EML5: variants seen among roughly 807,000 people sequenced by gnomAD.
The protein encoded by EML5 is echinoderm microtubule-associated protein-like 5.
A neutral mutation model predicts 250.0 loss-of-function variants in EML5; 120 were observed. That is an observed-to-expected ratio of 0.48 (90% CI 0.41 to 0.56). EML5 has a LOEUF of 0.56. Among genes scored for constraint, EML5 ranks in the 20% least tolerant of loss-of-function variants. EML5 has a pLI of 0.00. For synonymous variants in EML5, 771 were observed against 806.5 expected (o/e 0.96, Z 0.75); for missense variants, 2,006 against 2,437.6 (o/e 0.82, Z 3.73).
At chr14:88,748,255 AT>A (rs1175020674) in intron 2 of EML5, among the ~76,000 whole-genome samples, 1 of 152,194 alleles carries the variant, frequency 6.6e-6, no homozygotes, top group African/African-American at 2.4e-5. Context: ...CAAAGAAGAA[AT>A]TCTAGAAAAA....
At chr14:88,787,704 C>T (rs1273518570) in intron 1 of EML5, among the ~76,000 whole-genome samples, 2 of 152,110 alleles carry the variant, frequency 1.3e-5, no homozygotes, top group Middle Eastern at 3.2e-3. Flanking sequence ...TGAAATCTTA[C>T]CAAATATAAT....
chr14:88,715,882 G>A (rs1482495649), intron 8 of EML5, among the ~76,000 whole-genome samples: 1 of 152,018 alleles, frequency 6.6e-6, no homozygotes, highest in African/African-American at 2.4e-5. Context: ...GGACCATGTT[G>A]ACCAGTGAAG....
Position 88,681,355 on chromosome 14 carries a change from G to A in EML5, c.3124+535C>T, listed in dbSNP as rs569538263. On this transcript the variant is annotated intron_variant, in intron 21 of 43. Transcript: ENST00000554922. ...GCCGGGGGCCGTGGCTCACGCCTGT[G>A]ATCCCACCACTTTGGCAGGCCGAGG... 8.5e-5 allele frequency among the ~76,000 whole-genome samples: 13 copies of A among 152,314 alleles called. No homozygotes were observed. The East Asian group carries it at 2.3e-3, about 27-fold the overall frequency.
At chr14:88,635,004 C>G (rs1395097434) in intron 32 of EML5, among the ~76,000 whole-genome samples, 1 of 152,050 alleles carries the variant, frequency 6.6e-6, no homozygotes, top group Non-Finnish European at 1.5e-5. Context: ...CTGTATAACT[C>G]AAGAAAGGAA....
intron 14 of EML5, among the ~76,000 whole-genome samples, chr14:88,698,599 T>G (rs1463755836): frequency 6.6e-6 from 1 of 152,112 alleles, no homozygotes; most frequent in African/African-American, 2.4e-5. Flanking sequence ...CCTTCTCAAT[T>G]TCCTCACCTG....
Position 88,688,170 on chromosome 14 carries a change from A to G in EML5, c.2742+101T>C. On this transcript the variant is annotated intron_variant, in intron 18 of 43. Transcript: ENST00000554922. Reference sequence around the variant, plus strand: ...ACCCTAGCCCACAGACTACTGCTGGATAGTCCAGGCAAGTAGAAAGGCAGT... The same window carrying G: ...ACCCTAGCCCACAGACTACTGCTGGGTAGTCCAGGCAAGTAGAAAGGCAGT... 6.1e-6 allele frequency: 7 copies of G among 1,153,616 alleles called. No homozygotes were observed. In the South Asian group the frequency reaches 8.2e-5, roughly 14 times the overall value. The allele number at this position is 1,153,616 out of a possible 1,614,324, so 71.5% of individuals were successfully genotyped here. A position where few individuals can be genotyped will look rare whatever the true frequency, so the allele number is the denominator to read the frequency against.
At chr14:88,663,233 T>G (rs2092188426) in intron 23 of EML5, 114 bp from the exon 24 acceptor site, 2 of 584,380 alleles carry the variant, frequency 3.4e-6, no homozygotes, top group Non-Finnish European at 5.4e-6. Context: ...TAAAAACCAT[T>G]TTCTGCTGCA....
intron 1 of EML5, among the ~76,000 whole-genome samples, chr14:88,771,796 C>T (rs756548371): frequency 8.5e-5 from 13 of 152,172 alleles, no homozygotes; most frequent in Non-Finnish European, 1.8e-4. Context: ...AGACTTTCCT[C>T]TCTAGGCTTC....
chr14:88,644,383 A>G, intron 30 of EML5, 50 bp downstream of exon 30: 1 of 1,560,518 alleles, frequency 6.4e-7, no homozygotes, highest in Non-Finnish European at 8.7e-7. Context: ...GTTTTATAAA[A>G]AAGAACTCTG....
chr14:88,617,769 T>C (rs1387356828), intron 41 of EML5: 1 of 153,838 alleles, frequency 6.5e-6, no homozygotes, highest in Admixed American at 6.5e-5. Flanking sequence ...GCCTGGCTGA[T>C]ACAGGAATTT....
chr14:88,694,376 TC>T lies in EML5; in HGVS notation c.2469del (p.Met824Ter). On this transcript the variant is annotated frameshift_variant, in exon 17 of 44. Coordinates refer to ENST00000554922, the MANE Select transcript of EML5 (RefSeq NM_183387.3). LOFTEE classifies it high-confidence loss of function. ...AGTTTATCAGGCACATAGGGGTTCA[TC>T]TTTACAACAAAAATCTTATCTTTAC... ...RGSKDKIFVV[K>X]MNPYVPDKLI... 1 of 1,590,220 alleles carries T rather than the reference TC, an allele frequency of 6.3e-7. No individual in the cohort carries two copies. Among genetic ancestry groups the T allele is most frequent in the Non-Finnish European group, 8.6e-7 (1 of 1,167,744 alleles).
At position 88,616,442 on chromosome 14, in the gene EML5, C is replaced by T. The variant is rs894228440; in HGVS notation, c.5797-200G>A. The T allele has an allele frequency of 9.7e-6, 6 of 620,732 alleles. No homozygotes were observed. The Admixed American group carries it at 1.8e-4, about 18-fold the overall frequency. The allele number at this position is 620,732 out of a possible 1,614,324, so 38.5% of individuals were successfully genotyped here. On this transcript the variant is annotated intron_variant, in intron 42 of 43. Coordinates refer to ENST00000554922, the MANE Select transcript of EML5 (RefSeq NM_183387.3). ...GTGGGCAGTCAGATGTCTCCAGGTA[C>T]TCTGACCATTTTTCTCTAAGGAAAA... is the stretch of plus-strand genomic sequence containing the variant.
chr14:88,757,478 A>C (rs1032071162), intron 1 of EML5, among the ~76,000 whole-genome samples: 1 of 152,216 alleles, frequency 6.6e-6, no homozygotes, highest in Non-Finnish European at 1.5e-5. Context: ...GGACTTAATC[A>C]AAATTAAAAA....
chr14:88,782,191 T>C (rs1422982706), intron 1 of EML5, among the ~76,000 whole-genome samples: 2 of 152,198 alleles, frequency 1.3e-5, no homozygotes, highest in Non-Finnish European at 2.9e-5. Context: ...TGTTGGGAAC[T>C]GGAGTAAAGA....
chr14:88,730,257 C>G (rs1368707774), intron 7 of EML5, among the ~76,000 whole-genome samples: 1 of 152,148 alleles, frequency 6.6e-6, no homozygotes, highest in East Asian at 1.9e-4. Context: ...AGACTAAGCA[C>G]TCATCACAAT....
At chr14:88,671,577 A>G (rs1455263553) in intron 21 of EML5, among the ~76,000 whole-genome samples, 1 of 152,192 alleles carries the variant, frequency 6.6e-6, no homozygotes, top group African/African-American at 2.4e-5. Context: ...TAAATTGGCT[A>G]AATGCCCCAA....
At chr14:88,645,955 C>G (rs763108659) in intron 29 of EML5, among the ~76,000 whole-genome samples, 21 of 152,208 alleles carry the variant, frequency 1.4e-4, no homozygotes, top group Middle Eastern at 3.4e-3. Flanking sequence ...TTCTCTAGAA[C>G]CTTTAATTTT....
chr14:88,625,071 G>A lies in EML5; in HGVS notation c.4797C>T (p.His1599=). 6.2e-7 allele frequency: 1 copy of A among 1,613,920 alleles called. No homozygotes were observed. The highest frequency in any genetic ancestry group is 8.5e-7 in the Non-Finnish European group (1 of 1,179,840). The change falls in exon 36 of 44, where the codon CAC becomes CAT. Residue 1599 remains histidine, a synonymous_variant. Coordinates refer to ENST00000554922, the MANE Select transcript of EML5 (RefSeq NM_183387.3). ...ISGDVCVWKD[H]ILCRIVARAH... Reference sequence around the variant, plus strand: ...CTCTCGCCACGATTCTACACAATATGTGATCTTTCCACACACAGACATCAC... The same window carrying A: ...CTCTCGCCACGATTCTACACAATATATGATCTTTCCACACACAGACATCAC...
At chr14:88,626,785 C>A in intron 35 of EML5, 53 bp downstream of exon 35, 1 of 1,572,842 alleles carries the variant, frequency 6.4e-7, no homozygotes, top group Non-Finnish European at 8.7e-7. Context: ...TGATCTAAGG[C>A]AAGAGAATGT....
Sources: allele counts gnomAD v4.1 joint callset (sites outside exome capture counted in the v4.1 genomes callset), GRCh38; gene constraint gnomAD v4.1.1; transcripts MANE v1.5; gene names NCBI Gene and HGNC (gene_info 2026-07-23, HGNC 2026-07-21).